Variants in CEP112 observed in about 807,000 individuals in gnomAD.
CEP112 encodes the protein centrosomal protein of 112 kDa.
CEP112 carries 127 observed loss-of-function variants against 153.0 expected under a neutral mutation model. That is an observed-to-expected ratio of 0.83 (90% CI 0.72 to 0.96). The LOEUF (loss-of-function observed/expected upper bound fraction) is 0.96. Ranked by LOEUF, CEP112 falls within the 40% of genes least tolerant of loss-of-function variation. CEP112 has a pLI of 0.00. For synonymous variants in CEP112, 358 were observed against 374.4 expected, an observed-to-expected ratio of 0.96 and a Z score of 0.51; for missense variants, 1,089 against 1,101.2, an observed-to-expected ratio of 0.99 and a Z score of 0.16.
chr17:65,902,650 A>G (rs537731524), intron 19 of CEP112, among the ~76,000 whole-genome samples: 2 of 152,128 alleles, frequency 1.3e-5, no homozygotes, highest in Admixed American at 1.3e-4. Flanking sequence ...AGCAATGGTT[A>G]TAAATGGTTA....
In CEP112 at chr17:65,859,777, G is replaced by A. The variant is rs539974203; in HGVS notation, c.2164-7743C>T. Among the ~76,000 whole-genome samples, 358 of 150,318 alleles carry A rather than the reference G, an allele frequency of 2.4e-3. 3 individuals are homozygous for A. The highest frequency in any genetic ancestry group is 8.3e-3 in the African/African-American group (341 of 41,062). On this transcript the variant is annotated intron_variant, in intron 20 of 26. Transcript: ENST00000535342. ...TAATCCCGGCACTTTGGGAGGCCAA[G>A]GCGGGCAGATCACAAGGACAGGAGT...
At chr17:66,125,480 C>A (rs1214802752) in intron 6 of CEP112, among the ~76,000 whole-genome samples, 1 of 151,916 alleles carries the variant, frequency 6.6e-6, no homozygotes, top group African/African-American at 2.4e-5. Context: ...CATGCCACTG[C>A]ACTTTAGCCT....
rs151222829 is a variant in CEP112, at chr17:66,010,348, T to G, written c.1657-4579A>C. Among the ~76,000 whole-genome samples, 38 of 152,278 alleles carry G rather than the reference T, an allele frequency of 2.5e-4. No individual in the cohort carries two copies. In the East Asian group the frequency reaches 6.2e-3, roughly 25 times the overall value. On this transcript the variant is annotated intron_variant, in intron 16 of 26. Coordinates refer to ENST00000535342, the MANE Select transcript of CEP112 (RefSeq NM_001199165.4). Reference sequence around the variant, plus strand: ...ATATAGCTTTTTTATCAGATGAAGTTGTTTATCAGATCAAGGAGTTTGGGG... The same window carrying G: ...ATATAGCTTTTTTATCAGATGAAGTGGTTTATCAGATCAAGGAGTTTGGGG...
intron 21 of CEP112, among the ~76,000 whole-genome samples, chr17:65,830,415 T>C (rs879708662): frequency 2.7e-4 from 41 of 152,328 alleles, no homozygotes; most frequent in Non-Finnish European, 5.1e-4. Flanking sequence ...TTGTAGACAT[T>C]AGATCTCCTC....
At chr17:65,861,818 T>C (rs1023560386) in intron 20 of CEP112, among the ~76,000 whole-genome samples, 9 of 152,324 alleles carry the variant, frequency 5.9e-5, no homozygotes, top group Non-Finnish European at 1.2e-4. Flanking sequence ...AAAACCCTAC[T>C]GTAAGTTAAC....
intron 18 of CEP112, among the ~76,000 whole-genome samples, chr17:65,955,287 C>T (rs7213045): frequency 0.48 from 73,004 of 151,962 alleles, 18,534 homozygotes; most frequent in East Asian, 0.89. Context: ...GAAGAAAAGA[C>T]ATAGTCTTTT....
At chr17:66,046,169 A>G (rs1228669737) in intron 12 of CEP112, among the ~76,000 whole-genome samples, 1 of 151,866 alleles carries the variant, frequency 6.6e-6, no homozygotes, top group African/African-American at 2.4e-5. Context: ...CAGCCTCCCG[A>G]GTAGCTGGGA....
intron 21 of CEP112, 23 bp from the exon 22 acceptor site, chr17:65,750,747 C>T: frequency 1.9e-6 from 3 of 1,610,182 alleles, no homozygotes; most frequent in African/African-American, 1.3e-5. Flanking sequence ...TGTACATGAA[C>T]ACATACACAG....
intron 17 of CEP112, among the ~76,000 whole-genome samples, chr17:65,967,777 C>T (rs1279026128): frequency 6.6e-6 from 1 of 151,996 alleles, no homozygotes; most frequent in Non-Finnish European, 1.5e-5. Context: ...TAACTTCTGC[C>T]TGTAATATGG....
chr17:65,709,744 T>A (rs1273037148), intron 23 of CEP112, among the ~76,000 whole-genome samples: 1 of 152,224 alleles, frequency 6.6e-6, no homozygotes, highest in Non-Finnish European at 1.5e-5. Flanking sequence ...AGCGGCATTA[T>A]ACAAAATAGC....
At chr17:65,683,665 AG>A (rs2047641777) in intron 24 of CEP112, among the ~76,000 whole-genome samples, 1 of 152,194 alleles carries the variant, frequency 6.6e-6, no homozygotes, top group Admixed American at 6.5e-5. Flanking sequence ...TCCTTCCCAT[AG>A]GATCAGGGAA....
intron 4 of CEP112, among the ~76,000 whole-genome samples, chr17:66,139,785 C>G (rs1173910929): frequency 6.6e-6 from 1 of 152,086 alleles, no homozygotes; most frequent in Non-Finnish European, 1.5e-5. Flanking sequence ...GAAACTGAAT[C>G]AGTAATTAAA....
chr17:65,671,465 G>C (rs2144060481), intron 24 of CEP112, among the ~76,000 whole-genome samples: 1 of 152,346 alleles, frequency 6.6e-6, no homozygotes, highest in African/African-American at 2.4e-5. Context: ...GCATATGCAA[G>C]AGGACTTGGA....
intron 20 of CEP112, among the ~76,000 whole-genome samples, chr17:65,878,888 G>C (rs1309619961): frequency 6.6e-6 from 1 of 151,732 alleles, no homozygotes; most frequent in Non-Finnish European, 1.5e-5. Flanking sequence ...TTCTAGTATG[G>C]CTTCTACAAC....
intron 4 of CEP112, among the ~76,000 whole-genome samples, chr17:66,156,933 A>G (rs1006090090): frequency 6.6e-6 from 1 of 152,172 alleles, no homozygotes; most frequent in Non-Finnish European, 1.5e-5. Context: ...GGGAGAATGG[A>G]ACCAAGTTGG....
chr17:65,676,227 C>T (rs990987794), intron 24 of CEP112, among the ~76,000 whole-genome samples: 1 of 151,170 alleles, frequency 6.6e-6, no homozygotes, highest in African/African-American at 2.4e-5. Context: ...ACTTGGGAGG[C>T]TGAGGCAGGG....
At chr17:65,955,522 T>C (rs572127506) in intron 18 of CEP112, among the ~76,000 whole-genome samples, 30 of 152,108 alleles carry the variant, frequency 2.0e-4, no homozygotes, top group Non-Finnish European at 3.1e-4. Context: ...TGAATGTAAA[T>C]GGCCTAAATG....
chr17:65,739,599 G>C (rs1198433077), intron 23 of CEP112, among the ~76,000 whole-genome samples: 1 of 152,048 alleles, frequency 6.6e-6, no homozygotes, highest in Non-Finnish European at 1.5e-5. Flanking sequence ...AGCCAGGCGT[G>C]GTGGTGGGCA....
chr17:65,998,693 A>G (rs2063893474), intron 17 of CEP112, among the ~76,000 whole-genome samples: 1 of 152,052 alleles, frequency 6.6e-6, no homozygotes. Context: ...TAATACATAT[A>G]TAACAGACAC....
Sources: gnomAD v4.1 joint callset for allele counts (sites outside exome capture counted in the v4.1 genomes callset) on GRCh38, gnomAD v4.1.1 for gene constraint, MANE v1.5 for transcripts, NCBI Gene and HGNC (gene_info 2026-07-23, HGNC 2026-07-21) for gene names.